The following CSRNP3 variants were observed in gnomAD, a reference collection of about 807,000 sequenced individuals.
CSRNP3 encodes the protein cysteine and serine rich nuclear protein 3, also known as cysteine/serine-rich nuclear protein 3.
In CSRNP3, 12 loss-of-function variants were observed where a neutral mutation model predicts 48.0. That is an observed-to-expected ratio of 0.25 (90% confidence interval 0.16 to 0.41). The LOEUF (loss-of-function observed/expected upper bound fraction) is 0.41. Ranked by LOEUF, CSRNP3 falls within the 10% of genes least tolerant of loss-of-function variation. CSRNP3 has a pLI of 1.00. For synonymous variants in CSRNP3, 263 were observed against 269.7 expected (o/e 0.98, Z 0.24); for missense variants, 580 against 724.4 (o/e 0.80, Z 2.29).
chr2:165,632,547 T>C (rs1459010169), intron 4 of CSRNP3, among the ~76,000 whole-genome samples: 1 of 152,124 alleles, frequency 6.6e-6, no homozygotes, highest in Non-Finnish European at 1.5e-5. Context: ...CCAAATGTTA[T>C]TCTCTCTCCC....
At chr2:165,486,166 G>A (rs1014825614) in intron 1 of CSRNP3, among the ~76,000 whole-genome samples, 1 of 152,184 alleles carries the variant, frequency 6.6e-6, no homozygotes. Context: ...CCCTTTCCGA[G>A]TCAAATAAAT....
chr2:165,627,570 A>G (rs1381002428), intron 4 of CSRNP3, among the ~76,000 whole-genome samples: 1 of 152,092 alleles, frequency 6.6e-6, no homozygotes, highest in African/African-American at 2.4e-5. Context: ...TCGTCATTGC[A>G]TCCATTCTTC....
intron 1 of CSRNP3, among the ~76,000 whole-genome samples, chr2:165,471,855 CAA>C (rs1262583918): frequency 1.3e-5 from 2 of 149,450 alleles, no homozygotes; most frequent in East Asian, 2.0e-4. Flanking sequence ...GGAGTGGAGA[CAA>C]GAGAGAAAAA....
intron 1 of CSRNP3, among the ~76,000 whole-genome samples, chr2:165,482,773 T>C (rs1684064484): frequency 6.6e-6 from 1 of 152,192 alleles, no homozygotes; most frequent in South Asian, 2.1e-4. Flanking sequence ...ATGTTCTCAT[T>C]TAGGAGTTTC....
intron 3 of CSRNP3, among the ~76,000 whole-genome samples, chr2:165,537,473 C>A (rs1352715511): frequency 2.0e-5 from 3 of 149,486 alleles, no homozygotes; most frequent in Non-Finnish European, 4.5e-5. Flanking sequence ...AAATCAATGT[C>A]ATATTATAAG....
At chr2:165,554,877 C>G (rs1396829486) in intron 3 of CSRNP3, among the ~76,000 whole-genome samples, 1 of 152,182 alleles carries the variant, frequency 6.6e-6, no homozygotes, top group African/African-American at 2.4e-5. Context: ...CAAATTATAA[C>G]ACTGTCTGCT....
At chr2:165,642,103 AACACACACAC>A (rs58624766) in intron 4 of CSRNP3, among the ~76,000 whole-genome samples, 1,561 of 132,186 alleles carry the variant, frequency 0.012, 16 homozygotes, top group African/African-American at 0.028. Flanking sequence ...CACACACACA[AACACACACAC>A]ACACACACAC....
At chr2:165,631,311 G>T (rs1291491409) in intron 4 of CSRNP3, among the ~76,000 whole-genome samples, 1 of 152,188 alleles carries the variant, frequency 6.6e-6, no homozygotes, top group African/African-American at 2.4e-5. Flanking sequence ...ACAAGGGGCA[G>T]CTTGATGTGC....
At chr2:165,539,340 A>C (rs576907354) in intron 3 of CSRNP3, among the ~76,000 whole-genome samples, 1 of 152,050 alleles carries the variant, frequency 6.6e-6, no homozygotes, top group East Asian at 1.9e-4. Flanking sequence ...CTGAATTTTC[A>C]TGGCTAACCT....
At chr2:165,496,710 G>A (rs1558916842) in intron 2 of CSRNP3, among the ~76,000 whole-genome samples, 2 of 151,686 alleles carry the variant, frequency 1.3e-5, no homozygotes, top group Non-Finnish European at 2.9e-5. Context: ...ATCATCATCA[G>A]TTTAAAACCC....
At chr2:165,582,896 A>G (rs1685571060) in intron 3 of CSRNP3, among the ~76,000 whole-genome samples, 2 of 152,256 alleles carry the variant, frequency 1.3e-5, no homozygotes, top group Admixed American at 1.3e-4. Flanking sequence ...CAAGGTCACA[A>G]ACAATTCTGG....
intron 4 of CSRNP3, among the ~76,000 whole-genome samples, chr2:165,609,182 G>A (rs1185447633): frequency 6.6e-6 from 1 of 150,696 alleles, no homozygotes; most frequent in African/African-American, 2.4e-5. Context: ...GAGGCCAGGC[G>A]CAGTGGCTCA....
intron 2 of CSRNP3, among the ~76,000 whole-genome samples, chr2:165,499,188 A>C (rs546178146): frequency 7.2e-5 from 11 of 152,266 alleles, no homozygotes; most frequent in African/African-American, 2.4e-4. Context: ...AAGTACCATC[A>C]TCTTCTAGCT....
chr2:165,494,893 G>T lies in CSRNP3; in HGVS notation c.-148G>T. On this transcript the variant is annotated 5_prime_UTR_variant, in exon 2 of 7. Transcript: ENST00000651982. ...CAGCTGTGACAGTACTGAGAGTGTT[G>T]ATAGTGTCAATCGTTCAGTTTTAAT... The T allele has an allele frequency of 6.2e-6, 1 of 160,456 alleles. No individual in the cohort carries two copies. Among genetic ancestry groups the T allele is most frequent in the South Asian group, 1.9e-4 (1 of 5,270 alleles). 9.9% of individuals were successfully genotyped at this position (160,456 alleles called of 1,614,324 possible). A position where few individuals can be genotyped will look rare whatever the true frequency, so the allele number is the denominator to read the frequency against.
chr2:165,677,727 A>C (rs1165171909), intron 6 of CSRNP3, among the ~76,000 whole-genome samples: 1 of 152,192 alleles, frequency 6.6e-6, no homozygotes, highest in Admixed American at 6.5e-5. Flanking sequence ...TGACAAGCAG[A>C]GCAAGTTTTT....
intron 3 of CSRNP3, among the ~76,000 whole-genome samples, chr2:165,583,680 T>G (rs1373074222): frequency 6.6e-6 from 1 of 152,202 alleles, no homozygotes; most frequent in Admixed American, 6.5e-5. Context: ...TTCCCATATC[T>G]CTTTACATAA....
intron 3 of CSRNP3, among the ~76,000 whole-genome samples, chr2:165,528,096 T>G (rs73027995): frequency 0.021 from 3,235 of 152,290 alleles, 118 homozygotes; most frequent in African/African-American, 0.074. Flanking sequence ...GCAAAGTTTT[T>G]TTATTACATA....
At chr2:165,512,278 C>T (rs6756041) in intron 2 of CSRNP3, among the ~76,000 whole-genome samples, 74,781 of 151,908 alleles carry the variant, frequency 0.49, 19,315 homozygotes, top group African/African-American at 0.64. Flanking sequence ...GGGCCAGTCT[C>T]ACCAATTTAC....
At chr2:165,637,556 C>A (rs563285229) in intron 4 of CSRNP3, among the ~76,000 whole-genome samples, 1 of 152,170 alleles carries the variant, frequency 6.6e-6, no homozygotes, top group South Asian at 2.1e-4. Flanking sequence ...TTCTGCTCTG[C>A]AACATACTTT....
Sources: gnomAD v4.1 joint callset for allele counts (sites outside exome capture counted in the v4.1 genomes callset) on GRCh38, gnomAD v4.1.1 for gene constraint, MANE v1.5 for transcripts, NCBI Gene and HGNC (gene_info 2026-07-23, HGNC 2026-07-21) for gene names.